PDE4D: variants seen among roughly 807,000 people sequenced by gnomAD.
The protein encoded by PDE4D is 3',5'-cyclic-AMP phosphodiesterase 4D.
Under a neutral mutation model 87.4 loss-of-function variants are expected in PDE4D, and 24 were observed. The observed-to-expected ratio is 0.27, with a 90% confidence interval of 0.20 to 0.39. The LOEUF (loss-of-function observed/expected upper bound fraction) is 0.39, where lower values mean the gene tolerates loss of function less well. PDE4D is among the 10% of genes least tolerant of loss of function. The pLI is 1.00. For synonymous variants in PDE4D, 384 were observed against 383.2 expected (o/e 1.00, Z -0.02); for missense variants, 714 against 1,041.0 (o/e 0.69, Z 4.32).
intron 6 of PDE4D, among the ~76,000 whole-genome samples, chr5:59,000,165 G>C (rs1221509372): frequency 6.6e-6 from 1 of 152,164 alleles, no homozygotes; most frequent in Non-Finnish European, 1.5e-5. Flanking sequence ...GATGAACGGG[G>C]CTTCCCTCTT....
chr5:60,216,422 G>T (rs750354592), intron 1 of PDE4D, among the ~76,000 whole-genome samples: 1 of 152,050 alleles, frequency 6.6e-6, no homozygotes, highest in Non-Finnish European at 1.5e-5. Flanking sequence ...TGAGGAAATT[G>T]CTTCCTTCTT....
chr5:59,727,885 T>A (rs1756832309), intron 1 of PDE4D, among the ~76,000 whole-genome samples: 1 of 152,130 alleles, frequency 6.6e-6, no homozygotes, highest in African/African-American at 2.4e-5. Context: ...TTATTATTAT[T>A]GGAAGGAAGA....
At chr5:59,283,768 C>T (rs977474455) in intron 1 of PDE4D, among the ~76,000 whole-genome samples, 1 of 152,100 alleles carries the variant, frequency 6.6e-6, no homozygotes, top group African/African-American at 2.4e-5. Flanking sequence ...AGTTCAGTCT[C>T]CTTGGATTGA....
In PDE4D at chr5:59,861,454, A is replaced by G. The variant is rs190246788; in HGVS notation, c.455+31714T>C. ...ATAGGTAGACTTCTACTTCTACACA[A>G]CATTCTCTGAATTTCCCCTATTCCC... On this transcript the variant is annotated intron_variant, in intron 1 of 14. Transcript: ENST00000340635. 2.0e-5 allele frequency among the ~76,000 whole-genome samples: 3 copies of G among 152,318 alleles called. No homozygotes were observed. The East Asian group carries it at 5.8e-4, about 29-fold the overall frequency.
intron 1 of PDE4D, among the ~76,000 whole-genome samples, chr5:59,764,923 C>G (rs1196589754): frequency 6.6e-6 from 1 of 151,998 alleles, no homozygotes; most frequent in Non-Finnish European, 1.5e-5. Flanking sequence ...TCCCAAAGTG[C>G]TAGGATTATA....
At chr5:59,452,691 A>ATG (rs1286679284) in intron 1 of PDE4D, among the ~76,000 whole-genome samples, 3 of 152,202 alleles carry the variant, frequency 2.0e-5, no homozygotes, top group African/African-American at 7.2e-5. Context: ...TCTTGAGACC[A>ATG]CAGCCTTCAG....
intron 1 of PDE4D, among the ~76,000 whole-genome samples, chr5:59,452,970 T>A (rs1174917755): frequency 2.6e-5 from 4 of 151,664 alleles, no homozygotes; most frequent in South Asian, 2.1e-4. Flanking sequence ...TTTTTTTTTT[T>A]AACAAAATGG....
At position 59,771,483 on chromosome 5, in the gene PDE4D, AAGAG is replaced by A. The variant is rs1175904019; in HGVS notation, c.455+121681_455+121684del. ...AAAGAAAGAAAGAAAGAAAGAAAGA[AAGAG>A]AGAGAGAGAGAGAAGAAAGAAAGAA... On this transcript the variant is annotated intron_variant, in intron 1 of 14. Transcript: ENST00000340635. 4.4e-4 allele frequency among the ~76,000 whole-genome samples: 24 copies of A among 54,398 alleles called. 1 individual carries two copies. Among genetic ancestry groups the A allele is most frequent in the African/African-American group, 1.5e-3 (23 of 15,042 alleles). The allele number at this position is 54,398 out of a possible 152,430, so 35.7% of individuals were successfully genotyped here.
At chr5:58,979,088 G>A (rs1018821502) in intron 11 of PDE4D, among the ~76,000 whole-genome samples, 3 of 152,156 alleles carry the variant, frequency 2.0e-5, no homozygotes, top group African/African-American at 7.2e-5. Flanking sequence ...TGAAGCTGAA[G>A]GTGAAGGAAA....
intron 12 of PDE4D, 50 bp downstream of exon 12, chr5:58,977,141 T>C (rs1744014835): frequency 6.5e-7 from 1 of 1,528,272 alleles, no homozygotes; most frequent in South Asian, 1.2e-5. Context: ...GTCTAAATTA[T>C]AAACAACTTG....
At chr5:60,039,863 A>G (rs1444615775) in intron 2 of PDE4D, among the ~76,000 whole-genome samples, 1 of 152,020 alleles carries the variant, frequency 6.6e-6, no homozygotes, top group Non-Finnish European at 1.5e-5. Context: ...TTTGAAGAGC[A>G]AAAAATAAAC....
At chr5:59,733,422 A>T (rs1256614340) in intron 1 of PDE4D, among the ~76,000 whole-genome samples, 3 of 152,100 alleles carry the variant, frequency 2.0e-5, no homozygotes, top group Non-Finnish European at 4.4e-5. Flanking sequence ...GAACAAATGG[A>T]TGAGATGTAG....
At chr5:59,597,118 C>T (rs137917698) in intron 1 of PDE4D, among the ~76,000 whole-genome samples, 19 of 152,268 alleles carry the variant, frequency 1.2e-4, no homozygotes, top group African/African-American at 4.6e-4. Flanking sequence ...TCCCCCTTTT[C>T]TACAGGAGCT....
intron 1 of PDE4D, among the ~76,000 whole-genome samples, chr5:60,381,653 A>G (rs1339788988): frequency 6.6e-6 from 1 of 152,138 alleles, no homozygotes; most frequent in Non-Finnish European, 1.5e-5. Context: ...GTGAGCTGGG[A>G]GGGTGGGTAA....
rs1434329941 is a variant in PDE4D, at chr5:59,337,409, G to T, written c.456-121441C>A. Among the ~76,000 whole-genome samples the T allele has an allele frequency of 9.1e-5, 13 of 142,562 alleles. No homozygotes were observed. The South Asian group carries it at 2.9e-3, about 32-fold the overall frequency. The allele number at this position is 142,562 out of a possible 152,430, so 93.5% of individuals were successfully genotyped here. A position where few individuals can be genotyped will look rare whatever the true frequency, so the allele number is the denominator to read the frequency against. Reference sequence around the variant, plus strand: ...GGCAGTGGTGTGATCTCGGCTCACTGCAGGCTCCGTCCCCCGGGGTTCACG... The same window carrying T: ...GGCAGTGGTGTGATCTCGGCTCACTTCAGGCTCCGTCCCCCGGGGTTCACG... On this transcript the variant is annotated intron_variant, in intron 1 of 14. Coordinates refer to ENST00000340635, the MANE Select transcript of PDE4D (RefSeq NM_001104631.2).
chr5:60,500,121 C>A (rs1471744494), intron 1 of PDE4D, among the ~76,000 whole-genome samples: 1 of 151,802 alleles, frequency 6.6e-6, no homozygotes, highest in East Asian at 1.9e-4. Flanking sequence ...GCCTAGGCAA[C>A]ATAGTGAGAC....
At chr5:60,233,179 T>TCA (rs535186257) in intron 1 of PDE4D, among the ~76,000 whole-genome samples, 31 of 148,300 alleles carry the variant, frequency 2.1e-4, no homozygotes, top group Middle Eastern at 3.4e-3. Context: ...GAGGTCGTTG[T>TCA]CACACACACA....
chr5:59,235,545 C>T (rs6897568), intron 1 of PDE4D, among the ~76,000 whole-genome samples: 48,013 of 152,060 alleles, frequency 0.32, 8,073 homozygotes, highest in Admixed American at 0.41. Flanking sequence ...CCCAAATCTT[C>T]TGTTCTTTGG....
chr5:60,188,732 G>A (rs1784983144), intron 1 of PDE4D, among the ~76,000 whole-genome samples: 3 of 152,144 alleles, frequency 2.0e-5, no homozygotes, highest in Admixed American at 1.3e-4. Flanking sequence ...GGTAGACATT[G>A]TTAATATGTT....
Sources: allele counts gnomAD v4.1 joint callset (sites outside exome capture counted in the v4.1 genomes callset), GRCh38; gene constraint gnomAD v4.1.1; transcripts MANE v1.5; gene names NCBI Gene and HGNC (gene_info 2026-07-23, HGNC 2026-07-21).